Variants in UGT1A8 observed in about 807,000 individuals in gnomAD.
UGT1A8 encodes UDP glucuronosyltransferase family 1 member A8, also known as UDP-glucuronosyltransferase 1A8.
A neutral mutation model predicts 45.3 loss-of-function variants in UGT1A8; 39 were observed. The ratio of observed to expected loss-of-function variants is 0.86; its 90% CI spans 0.67 to 1.12. The LOEUF (loss-of-function observed/expected upper bound fraction) is 1.12. Among genes scored for constraint, UGT1A8 ranks in the 50% most tolerant of loss-of-function variants. UGT1A8 has a pLI of 0.00. For missense variants in UGT1A8, 719 were observed against 664.9 expected (o/e 1.08, Z -0.90); for synonymous variants, 275 against 249.2 (o/e 1.10, Z -0.97).
At chr2:233,727,849 C>T (rs1182266870) in intron 1 of UGT1A8, among the ~76,000 whole-genome samples, 2 of 152,218 alleles carry the variant, frequency 1.3e-5, no homozygotes, top group Admixed American at 6.5e-5. Flanking sequence ...GGAGTAATTT[C>T]CTCCCTAAGG....
intron 1 of UGT1A8, among the ~76,000 whole-genome samples, chr2:233,732,928 C>A (rs2078337101): frequency 6.6e-6 from 1 of 152,058 alleles, no homozygotes; most frequent in African/African-American, 2.4e-5. Flanking sequence ...GATATTGATT[C>A]TTCCTATCCA....
At chr2:233,739,437 C>G (rs1691099692) in intron 1 of UGT1A8, among the ~76,000 whole-genome samples, 1 of 152,212 alleles carries the variant, frequency 6.6e-6, no homozygotes, top group Non-Finnish European at 1.5e-5. Flanking sequence ...GGGCTTTACC[C>G]TGCAAAGCCA....
intron 1 of UGT1A8, among the ~76,000 whole-genome samples, chr2:233,759,797 C>T (rs1216409236): frequency 1.3e-5 from 2 of 152,262 alleles, no homozygotes; most frequent in East Asian, 3.9e-4. Flanking sequence ...ACACATGATA[C>T]AAGTGAGCAG....
intron 1 of UGT1A8, chr2:233,760,792 G>C (rs1185395607): frequency 6.2e-7 from 1 of 1,613,510 alleles, no homozygotes. Flanking sequence ...TCTGCCCACT[G>C]TATTCTTCTT....
intron 1 of UGT1A8, among the ~76,000 whole-genome samples, chr2:233,641,948 C>A (rs1449229974): frequency 1.3e-5 from 2 of 152,048 alleles, no homozygotes; most frequent in Non-Finnish European, 2.9e-5. Context: ...TTATCCTTGA[C>A]CTTTGGGAGT....
intron 1 of UGT1A8, among the ~76,000 whole-genome samples, chr2:233,652,616 T>A (rs564519615): frequency 3.7e-4 from 56 of 152,318 alleles, no homozygotes; most frequent in Non-Finnish European, 5.1e-4. Flanking sequence ...CTCAAAAATG[T>A]CTTGTACATG....
intron 1 of UGT1A8, among the ~76,000 whole-genome samples, chr2:233,759,532 G>GTTC (rs994787528): frequency 5.4e-4 from 82 of 152,192 alleles, no homozygotes; most frequent in African/African-American, 1.9e-3. Flanking sequence ...GAAGACTTCT[G>GTTC]TTCACATGCG....
chr2:233,706,636 G>T (rs1013671014), intron 1 of UGT1A8, among the ~76,000 whole-genome samples: 1 of 152,178 alleles, frequency 6.6e-6, no homozygotes, highest in Non-Finnish European at 1.5e-5. Flanking sequence ...TGTTTCTACT[G>T]TGTCTGTGCC....
intron 1 of UGT1A8, chr2:233,693,660 CCTAT>C: frequency 9.9e-6 from 16 of 1,614,092 alleles, no homozygotes; most frequent in Non-Finnish European, 1.4e-5. Context: ...TTGTTGGAGC[CCTAT>C]CTATTTTATT....
chr2:233,665,591 A>G (rs56125405), intron 1 of UGT1A8, among the ~76,000 whole-genome samples: 6,094 of 152,290 alleles, frequency 0.04, 145 homozygotes, highest in Non-Finnish European at 0.058. Flanking sequence ...GGCAGGAGAA[A>G]CAGTTTAGCA....
At chr2:233,729,941 A>T (rs1478646241) in intron 1 of UGT1A8, 1 of 1,613,962 alleles carries the variant, frequency 6.2e-7, no homozygotes, top group African/African-American at 1.3e-5. Flanking sequence ...ATCATGCCCA[A>T]CATGGTCTTC....
intron 1 of UGT1A8, among the ~76,000 whole-genome samples, chr2:233,679,943 C>G (rs944629060): frequency 6.6e-6 from 1 of 152,082 alleles, no homozygotes; most frequent in Non-Finnish European, 1.5e-5. Context: ...CAAAAAGATG[C>G]GAGGTTTGGC....
chr2:233,732,623 T>G (rs1263936305), intron 1 of UGT1A8, among the ~76,000 whole-genome samples: 26 of 152,192 alleles, frequency 1.7e-4, no homozygotes, highest in Admixed American at 1.7e-3. Flanking sequence ...TGTAGATGTG[T>G]GGTGTTATTT....
In UGT1A8 at chr2:233,672,984, A is replaced by ATT. The variant is rs564359853; in HGVS notation, c.855+54424_855+54425dup. Among the ~76,000 whole-genome samples the ATT allele has an allele frequency of 2.0e-3, 309 of 152,320 alleles. 1 individual carries two copies. The highest frequency in any genetic ancestry group is 6.6e-4 in the Non-Finnish European group (45 of 68,036). On this transcript the variant is annotated intron_variant, in intron 1 of 4. Coordinates refer to ENST00000373450, the MANE Select transcript of UGT1A8 (RefSeq NM_019076.5). ...AAAACTGCCCTTCTTGAAGATATGT[A>ATT]TTTATAACTTATAAAATTGTGGAAC...
At chr2:233,670,965 T>C (rs935243748) in intron 1 of UGT1A8, among the ~76,000 whole-genome samples, 3 of 152,202 alleles carry the variant, frequency 2.0e-5, no homozygotes, top group Non-Finnish European at 4.4e-5. Context: ...CTTTAAGGCT[T>C]GGAGGCTAGC....
At chr2:233,683,295 C>G (rs1372789673) in intron 1 of UGT1A8, among the ~76,000 whole-genome samples, 1 of 151,998 alleles carries the variant, frequency 6.6e-6, no homozygotes, top group African/African-American at 2.4e-5. Flanking sequence ...GATATCTTTA[C>G]AGGTCAATGC....
chr2:233,756,961 G>A (rs1696368025), intron 1 of UGT1A8, among the ~76,000 whole-genome samples: 1 of 151,950 alleles, frequency 6.6e-6, no homozygotes, highest in Admixed American at 6.6e-5. Context: ...CTTGGCACTT[G>A]GTAAGCACGC....
intron 1 of UGT1A8, chr2:233,718,839 G>T: frequency 1.2e-6 from 2 of 1,613,658 alleles, no homozygotes; most frequent in South Asian, 1.1e-5. Flanking sequence ...AGGACTCCAG[G>T]TTCCCCTGCC....
chr2:233,666,936 G>A (rs2074090815), intron 1 of UGT1A8, among the ~76,000 whole-genome samples: 1 of 152,124 alleles, frequency 6.6e-6, no homozygotes, highest in Non-Finnish European at 1.5e-5. Context: ...TGCTGAGAAT[G>A]ATGGTTTCCA....
Sources: gnomAD v4.1 joint callset for allele counts (sites outside exome capture counted in the v4.1 genomes callset) on GRCh38, gnomAD v4.1.1 for gene constraint, MANE v1.5 for transcripts, NCBI Gene and HGNC (gene_info 2026-07-23, HGNC 2026-07-21) for gene names.